The following ACTR6 variants were observed in gnomAD, a reference collection of about 807,000 sequenced individuals.
ACTR6 encodes actin-related protein 6.
A neutral mutation model predicts 52.5 loss-of-function variants in ACTR6; 50 were observed. The ratio of observed to expected loss-of-function variants is 0.95; its 90% CI spans 0.76 to 1.20. The LOEUF (loss-of-function observed/expected upper bound fraction) is 1.20. Among genes scored for constraint, ACTR6 ranks in the 50% most tolerant of loss-of-function variants. The probability of loss-of-function intolerance (pLI) is 0.00; values close to 1 mark genes in which losing one functional copy is unlikely to be tolerated. For missense variants in ACTR6, 344 were observed against 472.4 expected (o/e 0.73, Z 2.52); for synonymous variants, 135 against 147.2 (o/e 0.92, Z 0.60).
In ACTR6 at chr12:100,217,624, G is replaced by A. The variant is rs549874106; in HGVS notation, c.751-791G>A. 3.3e-5 allele frequency among the ~76,000 whole-genome samples: 5 copies of A among 152,260 alleles called. No individual in the cohort carries two copies. The South Asian group carries it at 8.3e-4, about 25-fold the overall frequency. On this transcript the variant is annotated intron_variant, in intron 8 of 10. Transcript: ENST00000188312. ...GAAAATAAATAACAAGAAAATATGA[G>A]TCATGGTTGTTTAAAGTTTGTTATA... is the stretch of plus-strand genomic sequence containing the variant.
intron 6 of ACTR6, 57 bp downstream of exon 6, chr12:100,210,408 A>C (rs781450635): frequency 2.3e-5 from 35 of 1,530,406 alleles, no homozygotes; most frequent in Non-Finnish European, 3.1e-5. Flanking sequence ...AACCTTTTAC[A>C]GTAATTTAAG....
intron 8 of ACTR6, among the ~76,000 whole-genome samples, chr12:100,214,383 G>A (rs1378525782): frequency 6.6e-6 from 1 of 152,024 alleles, no homozygotes; most frequent in Non-Finnish European, 1.5e-5. Context: ...GTATGAATCA[G>A]AGTTCAGAGA....
At chr12:100,208,153 A>G (rs1176839338) in intron 4 of ACTR6, among the ~76,000 whole-genome samples, 1 of 151,256 alleles carries the variant, frequency 6.6e-6, no homozygotes, top group Admixed American at 6.6e-5. Context: ...CCTGTCTCCA[A>G]AAAAAAAAGA....
chr12:100,212,706 TG>T (rs2153900485), intron 8 of ACTR6, among the ~76,000 whole-genome samples, 178 bp downstream of exon 8: 1 of 152,094 alleles, frequency 6.6e-6, no homozygotes, highest in East Asian at 1.9e-4. Context: ...CAGTTAGATT[TG>T]AAAAGAATTT....
rs1197711701 is a variant in ACTR6 at position 100,205,059 on chromosome 12, T to C, written c.186+2T>C. On this transcript the variant is annotated splice_donor_variant, in intron 2 of 10. Coordinates refer to ENST00000188312, the MANE Select transcript of ACTR6 (RefSeq NM_022496.5). LOFTEE classifies it high-confidence loss of function. ...TTTTACATCCTCCCTTTTCAAAAGG[T>C]AATCCAATTAATTATGTTTCATTTC... The C allele has an allele frequency of 1.3e-6, 2 of 1,501,068 alleles. No homozygotes were observed. The highest frequency in any genetic ancestry group is 1.8e-5 in the Admixed American group (1 of 55,066). 93.0% of individuals were successfully genotyped at this position (1,501,068 alleles called of 1,614,324 possible).
intron 4 of ACTR6, among the ~76,000 whole-genome samples, chr12:100,209,864 T>C (rs2096118413): frequency 6.6e-6 from 1 of 152,200 alleles, no homozygotes; most frequent in Admixed American, 6.5e-5. Flanking sequence ...GGATACCAAA[T>C]TTTTATTATG....
chr12:100,217,560 C>A (rs1414607291), intron 8 of ACTR6, among the ~76,000 whole-genome samples: 1 of 151,938 alleles, frequency 6.6e-6, no homozygotes, highest in Non-Finnish European at 1.5e-5. Flanking sequence ...TTTTTGCAGC[C>A]CCCTCAGCAC....
chr12:100,211,946 T>C (rs1262067550), intron 6 of ACTR6, among the ~76,000 whole-genome samples: 3 of 152,178 alleles, frequency 2.0e-5, no homozygotes, highest in Non-Finnish European at 4.4e-5. Context: ...AGTTAAGGCA[T>C]TGTAGCAAGA....
intron 4 of ACTR6, among the ~76,000 whole-genome samples, chr12:100,208,135 A>C (rs2096116542): frequency 6.6e-6 from 1 of 152,058 alleles, no homozygotes; most frequent in African/African-American, 2.4e-5. Context: ...TGGGTGACAG[A>C]GTGAGATCCT....
At chr12:100,208,100 G>A (rs770243185) in intron 4 of ACTR6, 8 of 263,790 alleles carry the variant, frequency 3.0e-5, no homozygotes, top group African/African-American at 4.5e-5. Context: ...GGTTGAAGCC[G>A]CAGTGAGCTA....
chr12:100,203,378 A>G (rs1384773360), intron 1 of ACTR6, among the ~76,000 whole-genome samples: 1 of 152,078 alleles, frequency 6.6e-6, no homozygotes, highest in East Asian at 1.9e-4. Context: ...ATCTCTGCTC[A>G]CTGCAACCTC....
In ACTR6 at chr12:100,207,793, T is replaced by A. The variant is rs1236330935; in HGVS notation, c.379+7T>A. 6.3e-7 allele frequency: 1 copy of A among 1,591,906 alleles called. No homozygotes were observed. The highest frequency in any genetic ancestry group is 1.1e-5 in the South Asian group (1 of 90,740). On this transcript the variant is annotated splice_region_variant and intron_variant, in intron 4 of 10. Transcript: ENST00000188312. ...GCAGTATTAAGAGTAAATGGTGAGT[T>A]CAAGTTTTCACTGAAATTGAGTTAT...
intron 10 of ACTR6, chr12:100,221,840 T>G (rs1369518783): frequency 1.3e-5 from 2 of 152,124 alleles, no homozygotes; most frequent in Non-Finnish European, 2.9e-5. Flanking sequence ...CCTTTTTTTT[T>G]GCTGTAGAGA....
At chr12:100,221,360 C>G (rs1566298675) in intron 10 of ACTR6, among the ~76,000 whole-genome samples, 1 of 152,120 alleles carries the variant, frequency 6.6e-6, no homozygotes, top group African/African-American at 2.4e-5. Context: ...GTATCACTTT[C>G]TTTTATAGCT....
At chr12:100,213,154 G>A (rs1301842030) in intron 8 of ACTR6, among the ~76,000 whole-genome samples, 3 of 151,866 alleles carry the variant, frequency 2.0e-5, no homozygotes, top group East Asian at 1.9e-4. Context: ...GCAATGGTGC[G>A]ATCACAGCAC....
chr12:100,201,121 C>T, intron 1 of ACTR6: 2 of 1,350,238 alleles, frequency 1.5e-6, no homozygotes, highest in Non-Finnish European at 1.9e-6. Context: ...GGCTGCGAGG[C>T]CCCGGAAGTG....
rs1236490259 is a variant in ACTR6, at chr12:100,223,962, G to A, written c.*47G>A. ...TGTGACCATAAGGTTTAATTTCAAA[G>A]TTCCTTTTAAAAGAGGTTAAGGAAC... On this transcript the variant is annotated 3_prime_UTR_variant, in exon 11 of 11. Transcript: ENST00000188312. 1.3e-6 allele frequency: 2 copies of A among 1,570,614 alleles called. No homozygotes were observed. The highest frequency in any genetic ancestry group is 1.7e-6 in the Non-Finnish European group (2 of 1,165,934).
chr12:100,204,889 T>G, intron 1 of ACTR6, 51 bp from the exon 2 acceptor site: 1 of 1,241,890 alleles, frequency 8.1e-7, no homozygotes, highest in Non-Finnish European at 1.2e-6. Context: ...AGTAAAAATG[T>G]TTTTAGGAAC....
chr12:100,206,253 T>G (rs995177733), intron 3 of ACTR6: 3 of 150,290 alleles, frequency 2.0e-5, no homozygotes, highest in Non-Finnish European at 4.4e-5. Context: ...CTGAGGCGGG[T>G]GGATCACTTG....
Sources: gnomAD v4.1 joint callset for allele counts (sites outside exome capture counted in the v4.1 genomes callset) on GRCh38, gnomAD v4.1.1 for gene constraint, MANE v1.5 for transcripts, NCBI Gene and HGNC (gene_info 2026-07-23, HGNC 2026-07-21) for gene names.